MOB3B: variants seen among roughly 807,000 people sequenced by gnomAD.
MOB3B encodes the protein MOB kinase activator 3B, also known as MOB kinase activator-like 2B.
A neutral mutation model predicts 18.7 loss-of-function variants in MOB3B; 7 were observed. The observed-to-expected ratio is 0.37, with a 90% confidence interval of 0.21 to 0.70. The LOEUF is 0.70. Among genes scored for constraint, MOB3B ranks in the 30% least tolerant of loss-of-function variants. MOB3B has a pLI of 0.52. For synonymous variants in MOB3B, 111 were observed against 99.9 expected, an observed-to-expected ratio of 1.11 and a Z score of -0.66; for missense variants, 253 against 281.3, an observed-to-expected ratio of 0.90 and a Z score of 0.72.
intron 1 of MOB3B, among the ~76,000 whole-genome samples, chr9:27,523,288 T>C (rs889984585): frequency 1.3e-5 from 2 of 152,110 alleles, no homozygotes; most frequent in Non-Finnish European, 2.9e-5. Context: ...CACAGTAACA[T>C]TGGTCCAGCT....
intron 3 of MOB3B, among the ~76,000 whole-genome samples, chr9:27,355,865 T>TATG (rs75373594): frequency 6.6e-6 from 1 of 152,226 alleles, no homozygotes; most frequent in East Asian, 1.9e-4. Context: ...TTGAGTTGTA[T>TATG]ATATAGAGTA....
chr9:27,413,146 G>A (rs1822098218), intron 2 of MOB3B, among the ~76,000 whole-genome samples: 1 of 152,194 alleles, frequency 6.6e-6, no homozygotes, highest in Non-Finnish European at 1.5e-5. Flanking sequence ...GAAGGAAGTT[G>A]AGGAACTGAG....
intron 1 of MOB3B, among the ~76,000 whole-genome samples, chr9:27,470,913 T>A (rs1353106060): frequency 6.6e-6 from 1 of 152,212 alleles, no homozygotes; most frequent in Non-Finnish European, 1.5e-5. Flanking sequence ...TTTTGTTTGT[T>A]TGTTTTTTTC....
At chr9:27,482,648 G>A (rs1819678796) in intron 1 of MOB3B, among the ~76,000 whole-genome samples, 1 of 150,700 alleles carries the variant, frequency 6.6e-6, no homozygotes, top group Non-Finnish European at 1.5e-5. Flanking sequence ...GCCCGTGCTG[G>A]TGGCCTGCCC....
At chr9:27,469,230 G>C (rs775319313) in intron 1 of MOB3B, among the ~76,000 whole-genome samples, 4 of 152,054 alleles carry the variant, frequency 2.6e-5, no homozygotes, top group Non-Finnish European at 5.9e-5. Flanking sequence ...AGCCTCCCTA[G>C]ATGCTGGGAT....
intron 1 of MOB3B, among the ~76,000 whole-genome samples, chr9:27,466,107 A>T (rs1284659004): frequency 1.2e-4 from 19 of 152,142 alleles, no homozygotes; most frequent in Non-Finnish European, 4.4e-5. Context: ...AAATTTTCTG[A>T]ACTTTTACGC....
intron 2 of MOB3B, among the ~76,000 whole-genome samples, chr9:27,377,412 G>A (rs1587166437): frequency 6.6e-6 from 1 of 152,144 alleles, no homozygotes; most frequent in East Asian, 1.9e-4. Context: ...AAAATACACG[G>A]CTAGAGAGCC....
At chr9:27,352,259 T>C (rs1587148762) in intron 3 of MOB3B, among the ~76,000 whole-genome samples, 1 of 151,304 alleles carries the variant, frequency 6.6e-6, no homozygotes, top group Non-Finnish European at 1.5e-5. Flanking sequence ...CATGTGTTTG[T>C]AGCCCCAGCT....
intron 2 of MOB3B, among the ~76,000 whole-genome samples, chr9:27,407,538 A>G (rs997745111): frequency 2.0e-5 from 3 of 152,072 alleles, no homozygotes; most frequent in African/African-American, 4.8e-5. Context: ...GCTTGATTTT[A>G]TGGTGGGCAG....
rs180702127 is a variant in MOB3B at position 27,340,597 on chromosome 9, C to G, written c.622-9981G>C. 3.9e-4 allele frequency among the ~76,000 whole-genome samples: 59 copies of G among 152,050 alleles called. 1 individual carries two copies. The highest frequency in any genetic ancestry group is 7.5e-4 in the Non-Finnish European group (51 of 68,014). ...GCAGCCCACCCCTCATTCTGCAACT[C>G]TGTGCTTTTTTTTTAGCACCCTGTC... On this transcript the variant is annotated intron_variant, in intron 3 of 3. Coordinates refer to ENST00000262244, the MANE Select transcript of MOB3B (RefSeq NM_024761.5).
At chr9:27,469,606 A>G (rs1476980643) in intron 1 of MOB3B, among the ~76,000 whole-genome samples, 5 of 152,310 alleles carry the variant, frequency 3.3e-5, no homozygotes, top group Non-Finnish European at 4.4e-5. Flanking sequence ...CTCTTAATTT[A>G]TTAAAAACAA....
rs955680502 is a variant in MOB3B at position 27,491,867 on chromosome 9, T to C, written c.-198-36119A>G. The stretch of plus-strand genomic sequence containing the variant: ...CAGCCTGGGCGACAGAGCAAGACTC[T>C]GTCTCAACAACAACAACAACAAAAA... On this transcript the variant is annotated intron_variant, in intron 1 of 3. Transcript: ENST00000262244. 4.0e-4 allele frequency among the ~76,000 whole-genome samples: 61 copies of C among 152,286 alleles called. 1 individual carries two copies. The highest frequency in any genetic ancestry group is 1.4e-3 in the African/African-American group (60 of 41,566).
rs1308911530 is a variant in MOB3B, at chr9:27,326,959, T to C, written c.*3628A>G. The stretch of plus-strand genomic sequence containing the variant: ...TGACAATTAGGGAGTGTGTGCTCTC[T>C]ATAAATAAACTATGGGTCCAAATGG... On this transcript the variant is annotated 3_prime_UTR_variant, in exon 4 of 4. Coordinates refer to ENST00000262244, the MANE Select transcript of MOB3B (RefSeq NM_024761.5). 5.9e-6 allele frequency: 1 copy of C among 168,244 alleles called. No homozygotes were observed. The highest frequency in any genetic ancestry group is 2.4e-5 in the African/African-American group (1 of 42,134). 10.4% of individuals were successfully genotyped at this position (168,244 alleles called of 1,614,324 possible).
intron 2 of MOB3B, among the ~76,000 whole-genome samples, chr9:27,368,387 T>G (rs1016269128): frequency 9.1e-6 from 1 of 109,374 alleles, no homozygotes; most frequent in Admixed American, 9.3e-5. Context: ...CACACACACA[T>G]ACAGAGAGGG....
Position 27,350,272 on chromosome 9 carries a change from C to T in MOB3B, c.621+8762G>A, listed in dbSNP as rs550568257. ...AAAAAAAGCATTATCTATAGTAATA[C>T]CAAGAGAGAACCACTGTTGGCACTT... On this transcript the variant is annotated intron_variant, in intron 3 of 3. Coordinates refer to ENST00000262244, the MANE Select transcript of MOB3B (RefSeq NM_024761.5). 2.7e-5 allele frequency among the ~76,000 whole-genome samples: 4 copies of T among 148,920 alleles called. No individual in the cohort carries two copies. In the East Asian group the frequency reaches 7.9e-4, roughly 29 times the overall value.
chr9:27,401,186 A>G (rs1380106706), intron 2 of MOB3B, among the ~76,000 whole-genome samples: 1 of 151,302 alleles, frequency 6.6e-6, no homozygotes, highest in Non-Finnish European at 1.5e-5. Context: ...GCCTCACTCT[A>G]CTCCCTGGAG....
At chr9:27,407,275 G>C (rs1305005024) in intron 2 of MOB3B, among the ~76,000 whole-genome samples, 1 of 152,162 alleles carries the variant, frequency 6.6e-6, no homozygotes, top group Non-Finnish European at 1.5e-5. Context: ...TCCCAGACGT[G>C]GCTGTGGATG....
At chr9:27,417,088 G>T (rs1822161603) in intron 2 of MOB3B, among the ~76,000 whole-genome samples, 1 of 152,210 alleles carries the variant, frequency 6.6e-6, no homozygotes, top group Non-Finnish European at 1.5e-5. Flanking sequence ...TGCCGGCAGG[G>T]TGCAGTGGCT....
At chr9:27,528,792 C>T (rs1160008221) in intron 1 of MOB3B, among the ~76,000 whole-genome samples, 1 of 152,028 alleles carries the variant, frequency 6.6e-6, no homozygotes, top group Non-Finnish European at 1.5e-5. Flanking sequence ...GGGGGGATCC[C>T]GAGAGATTTA....
Sources: gnomAD v4.1 joint callset for allele counts (sites outside exome capture counted in the v4.1 genomes callset) on GRCh38, gnomAD v4.1.1 for gene constraint, MANE v1.5 for transcripts, NCBI Gene and HGNC (gene_info 2026-07-23, HGNC 2026-07-21) for gene names.